Variants in PCDHA11 observed in about 807,000 individuals in gnomAD.
PCDHA11 encodes protocadherin alpha-11.
A neutral mutation model predicts 70.3 loss-of-function variants in PCDHA11; 61 were observed. The observed-to-expected ratio is 0.87, with a 90% CI of 0.71 to 1.07. The LOEUF (loss-of-function observed/expected upper bound fraction) is 1.07. PCDHA11 is among the 50% of genes least tolerant of loss of function. The probability of loss-of-function intolerance (pLI) is 0.00; values close to 1 mark genes in which losing one functional copy is unlikely to be tolerated. For missense variants in PCDHA11, 1,324 were observed against 1,237.5 expected, an observed-to-expected ratio of 1.07 and a Z score of -1.05; for synonymous variants, 633 against 555.1, an observed-to-expected ratio of 1.14 and a Z score of -1.97.
chr5:140,875,826 T>C lies in PCDHA11; in HGVS notation c.2391+4332T>C, dbSNP rs367888868. ...TGGACAGGCCGCTGCAGGTTTTCCA[T>C]GTGGACGTGGAGGTGAAGGACATTA... is the stretch of plus-strand genomic sequence containing the variant. On this transcript the variant is annotated intron_variant, in intron 1 of 3. Coordinates refer to ENST00000398640, the MANE Select transcript of PCDHA11 (RefSeq NM_018902.5). 25 of 1,614,126 alleles carry C rather than the reference T, an allele frequency of 1.5e-5. No homozygotes were observed. In the African/African-American group the frequency reaches 2.3e-4, roughly 15 times the overall value.
At chr5:140,974,240 A>G (rs1554235899) in intron 1 of PCDHA11, among the ~76,000 whole-genome samples, 1 of 152,188 alleles carries the variant, frequency 6.6e-6, no homozygotes, top group African/African-American at 2.4e-5. Context: ...CTTGGCATAT[A>G]AGCACCATCA....
intron 1 of PCDHA11, among the ~76,000 whole-genome samples, chr5:140,963,050 G>A (rs2095732681): frequency 6.6e-6 from 1 of 152,030 alleles, no homozygotes; most frequent in African/African-American, 2.4e-5. Flanking sequence ...AGTCTATAAG[G>A]GTTTCTACAT....
intron 1 of PCDHA11, among the ~76,000 whole-genome samples, chr5:140,900,673 A>G (rs936784929): frequency 3.3e-5 from 5 of 152,210 alleles, no homozygotes; most frequent in African/African-American, 1.2e-4. Flanking sequence ...GAGTGCAGTT[A>G]TCTCTTCAAT....
At chr5:140,905,880 A>G (rs1485985374) in intron 1 of PCDHA11, among the ~76,000 whole-genome samples, 4 of 152,172 alleles carry the variant, frequency 2.6e-5, no homozygotes, top group Non-Finnish European at 1.5e-5. Flanking sequence ...AGGCCCAACA[A>G]TAGGCCATCT....
At position 140,882,068 on chromosome 5, in the gene PCDHA11, C is replaced by A. The variant is rs1219461637; in HGVS notation, c.2391+10574C>A. 8.4e-6 allele frequency: 7 copies of A among 837,710 alleles called. No homozygotes were observed. The East Asian group carries it at 1.9e-4, about 22-fold the overall frequency. The allele number at this position is 837,710 out of a possible 1,614,324, so 51.9% of individuals were successfully genotyped here. On this transcript the variant is annotated intron_variant, in intron 1 of 3. Coordinates refer to ENST00000398640, the MANE Select transcript of PCDHA11 (RefSeq NM_018902.5). ...TCATACTTACACTTACACGTTCATG[C>A]GCATGGTGTCGCTCTTCACTGAGAA...
At chr5:141,007,235 T>G (rs2098311065) in intron 3 of PCDHA11, among the ~76,000 whole-genome samples, 1 of 151,964 alleles carries the variant, frequency 6.6e-6, no homozygotes, top group Non-Finnish European at 1.5e-5. Context: ...GAAGGATTGT[T>G]GAGCTGAAGG....
At chr5:140,874,386 G>A (rs2054873500) in intron 1 of PCDHA11, among the ~76,000 whole-genome samples, 1 of 152,082 alleles carries the variant, frequency 6.6e-6, no homozygotes. Context: ...GTCTTTTGAT[G>A]CCCCCTTGCA....
chr5:140,955,956 G>C (rs2095241724), intron 1 of PCDHA11, among the ~76,000 whole-genome samples: 1 of 152,050 alleles, frequency 6.6e-6, no homozygotes, highest in Admixed American at 6.6e-5. Flanking sequence ...CTTGCTTGTT[G>C]TTTGTGCATA....
At chr5:140,897,451 TC>T (rs2066120094) in intron 1 of PCDHA11, among the ~76,000 whole-genome samples, 1 of 151,584 alleles carries the variant, frequency 6.6e-6, no homozygotes, top group Non-Finnish European at 1.5e-5. Context: ...TGGTTTTTTG[TC>T]CTTGCGATAG....
chr5:140,873,418 A>C (rs2054276774), intron 1 of PCDHA11, among the ~76,000 whole-genome samples: 1 of 152,174 alleles, frequency 6.6e-6, no homozygotes. Flanking sequence ...AATTTTGTAA[A>C]TTATTATTTT....
intron 1 of PCDHA11, chr5:140,967,906 C>T (rs529421659): frequency 1.2e-6 from 2 of 1,614,208 alleles, no homozygotes; most frequent in Non-Finnish European, 1.7e-6. Context: ...ATGCTACACC[C>T]AACACCATTG....
In PCDHA11 at chr5:140,870,035, A is replaced by G. The variant is rs1490530166; in HGVS notation, c.932A>G (p.Glu311Gly). 2 of 1,613,656 alleles carry G rather than the reference A, an allele frequency of 1.2e-6. No homozygotes were observed. The highest frequency in any genetic ancestry group is 2.7e-5 in the African/African-American group (2 of 74,942). ...VRVNGTLDYEENKFYKIEVQA... is the reference protein window; with the variant it reads ...VRVNGTLDYEGNKFYKIEVQA... ...GTCAATGGAACTTTAGATTATGAAGAAAACAAGTTTTATAAAATTGAAGTA... is the reference window on the plus strand; with the variant it reads ...GTCAATGGAACTTTAGATTATGAAGGAAACAAGTTTTATAAAATTGAAGTA... The change falls in exon 1 of 4, where the codon GAA becomes GGA. Residue 311 changes from glutamate (E) to glycine (G), a missense_variant. By Grantham distance (98) the Glu-to-Gly change is moderately conservative. Transcript: ENST00000398640.
rs536640692 is a variant in PCDHA11 at position 140,927,687 on chromosome 5, T to TG, written c.2392-51258dup. ...CCTTGGATCCAGATGAAGGGTCCAATGGGGAAGTCCAGTACTCCCTAAGCA... is the reference window on the plus strand; with the variant it reads ...CCTTGGATCCAGATGAAGGGTCCAATGGGGGAAGTCCAGTACTCCCTAAGCA... On this transcript the variant is annotated intron_variant, in intron 1 of 3. Coordinates refer to ENST00000398640, the MANE Select transcript of PCDHA11 (RefSeq NM_018902.5). The TG allele has an allele frequency of 3.2e-4, 518 of 1,614,158 alleles. 3 individuals carry two copies. In the Middle Eastern group the frequency reaches 0.011, roughly 35 times the overall value.
intron 1 of PCDHA11, among the ~76,000 whole-genome samples, chr5:140,960,257 C>T (rs1554224600): frequency 6.6e-6 from 1 of 152,186 alleles, no homozygotes; most frequent in African/African-American, 2.4e-5. Flanking sequence ...CCTGGAGCTT[C>T]TGATAAATTC....
intron 1 of PCDHA11, chr5:140,929,850 G>T: frequency 6.5e-6 from 1 of 154,348 alleles, no homozygotes. Flanking sequence ...GAGGAGGAAG[G>T]AGTCAGAGAA....
chr5:140,987,263 G>C (rs1034230893), intron 3 of PCDHA11, among the ~76,000 whole-genome samples: 14 of 151,908 alleles, frequency 9.2e-5, no homozygotes, highest in Non-Finnish European at 1.8e-4. Context: ...CTCAGGAATG[G>C]GACCCGGCAG....
At chr5:140,941,310 CTTCT>C (rs2093024652) in intron 1 of PCDHA11, among the ~76,000 whole-genome samples, 1 of 79,250 alleles carries the variant, frequency 1.3e-5, no homozygotes, top group Non-Finnish European at 2.6e-5. Flanking sequence ...CTTTCTTTTT[CTTCT>C]TTCTCTTTTT....
At chr5:141,008,843 G>A (rs1474787733) in intron 3 of PCDHA11, among the ~76,000 whole-genome samples, 7 of 152,114 alleles carry the variant, frequency 4.6e-5, no homozygotes, top group Non-Finnish European at 1.0e-4. Context: ...CTTACGCTGT[G>A]TATTCCCATC....
chr5:140,883,946 G>T (rs139225969), intron 1 of PCDHA11: 2 of 1,613,274 alleles, frequency 1.2e-6, no homozygotes, highest in Non-Finnish European at 1.7e-6. Flanking sequence ...GGACGAGAAC[G>T]ACAACGCTCC....
Sources: allele counts gnomAD v4.1 joint callset (sites outside exome capture counted in the v4.1 genomes callset), GRCh38; gene constraint gnomAD v4.1.1; transcripts MANE v1.5; gene names NCBI Gene and HGNC (gene_info 2026-07-23, HGNC 2026-07-21).